Variants in CDK5RAP1 observed in about 807,000 individuals in gnomAD.
CDK5RAP1 encodes mitochondrial tRNA methylthiotransferase CDK5RAP1.
Under a neutral mutation model 64.5 loss-of-function variants are expected in CDK5RAP1, and 62 were observed. The ratio of observed to expected loss-of-function variants is 0.96; its 90% CI spans 0.78 to 1.19. The LOEUF (loss-of-function observed/expected upper bound fraction) is 1.19, where lower values mean the gene tolerates loss of function less well. CDK5RAP1 is among the 50% of genes most tolerant of loss of function. The pLI is 0.00. For synonymous variants in CDK5RAP1, 250 were observed against 261.9 expected, an observed-to-expected ratio of 0.95 and a Z score of 0.44; for missense variants, 657 against 735.0, an observed-to-expected ratio of 0.89 and a Z score of 1.23.
chr20:33,380,594 T>G (rs1986625296), intron 7 of CDK5RAP1, among the ~76,000 whole-genome samples: 1 of 152,176 alleles, frequency 6.6e-6, no homozygotes, highest in South Asian at 2.1e-4. Flanking sequence ...GGTCTACAAA[T>G]TACTTCAAAT....
At chr20:33,387,795 G>A (rs973146139) in intron 5 of CDK5RAP1, among the ~76,000 whole-genome samples, 8 of 152,046 alleles carry the variant, frequency 5.3e-5, no homozygotes, top group South Asian at 2.1e-4. Context: ...AGCCAGGTGC[G>A]GTGGCTCATG....
intron 12 of CDK5RAP1, among the ~76,000 whole-genome samples, chr20:33,362,623 G>C (rs1335549254): frequency 6.6e-6 from 1 of 152,166 alleles, no homozygotes; most frequent in Non-Finnish European, 1.5e-5. Context: ...TCCTTTAAAA[G>C]ATAATTGTTT....
chr20:33,388,152 G>A (rs1987700375), intron 5 of CDK5RAP1, among the ~76,000 whole-genome samples: 1 of 151,664 alleles, frequency 6.6e-6, no homozygotes, highest in East Asian at 1.9e-4. Flanking sequence ...ATTACTTAGT[G>A]CTGAAATAAA....
At chr20:33,390,035 G>C (rs1988123650) in intron 5 of CDK5RAP1, among the ~76,000 whole-genome samples, 4 of 151,220 alleles carry the variant, frequency 2.6e-5, no homozygotes, top group Admixed American at 2.6e-4. Flanking sequence ...TCAGCACTTT[G>C]GGAGGCCAAG....
intron 5 of CDK5RAP1, among the ~76,000 whole-genome samples, chr20:33,391,258 A>AG (rs1229631747): frequency 2.6e-5 from 4 of 151,106 alleles, no homozygotes; most frequent in Non-Finnish European, 5.9e-5. Context: ...TTAAAAAAAA[A>AG]AAAAAAAAAA....
intron 5 of CDK5RAP1, among the ~76,000 whole-genome samples, chr20:33,388,714 C>A (rs1392647058): frequency 6.6e-6 from 1 of 152,064 alleles, no homozygotes. Flanking sequence ...CTGCTCACTG[C>A]AACCTCCCTG....
intron 11 of CDK5RAP1, among the ~76,000 whole-genome samples, chr20:33,368,173 A>T (rs1984331245): frequency 6.6e-6 from 1 of 152,200 alleles, no homozygotes; most frequent in Admixed American, 6.5e-5. Flanking sequence ...CTCATCCACT[A>T]GGTTCTTGAT....
intron 7 of CDK5RAP1, 34 bp from the exon 8 acceptor site, chr20:33,379,725 C>G: frequency 6.8e-7 from 1 of 1,474,600 alleles, no homozygotes; most frequent in Non-Finnish European, 9.4e-7. Context: ...AATTTTAAAA[C>G]TTTTGGGTAG....
intron 1 of CDK5RAP1, among the ~76,000 whole-genome samples, chr20:33,400,333 T>G (rs1430488729): frequency 6.6e-6 from 1 of 152,218 alleles, no homozygotes; most frequent in African/African-American, 2.4e-5. Flanking sequence ...CATCTGCTAC[T>G]AGCACTTAGG....
At chr20:33,385,274 T>C (rs1301591247) in intron 7 of CDK5RAP1, among the ~76,000 whole-genome samples, 1 of 152,236 alleles carries the variant, frequency 6.6e-6, no homozygotes, top group Non-Finnish European at 1.5e-5. Flanking sequence ...CTTAGCTATG[T>C]GCCAGGTAAT....
At chr20:33,375,757 G>A (rs988447174) in intron 8 of CDK5RAP1, among the ~76,000 whole-genome samples, 4 of 152,208 alleles carry the variant, frequency 2.6e-5, no homozygotes, top group Admixed American at 2.0e-4. Flanking sequence ...AATAAAGTGA[G>A]TGACACAAAT....
chr20:33,379,395 T>C, intron 8 of CDK5RAP1, 66 bp downstream of exon 8: 1 of 1,161,126 alleles, frequency 8.6e-7, no homozygotes, highest in Non-Finnish European at 1.3e-6. Context: ...GCATCCCTAC[T>C]GGGTCCAGCC....
chr20:33,360,590 G>T, intron 12 of CDK5RAP1, 99 bp from the exon 13 acceptor site: 1 of 1,061,872 alleles, frequency 9.4e-7, no homozygotes, highest in Non-Finnish European at 1.4e-6. Context: ...CCAAGAGTCT[G>T]ACCCACAGAG....
In CDK5RAP1 at chr20:33,360,383, T is replaced by C. The variant is rs1982682328; in HGVS notation, c.1651A>G (p.Arg551Gly). The C allele has an allele frequency of 6.2e-7, 1 of 1,613,990 alleles. No individual in the cohort carries two copies. Among genetic ancestry groups the C allele is most frequent in the East Asian group, 2.2e-5 (1 of 44,888 alleles). ...AGCACATAGTCCCCAGGCTGGGCTC[T>C]GACCCTGAGCCCAGGGTTATTGACA... The part of the protein sequence containing the change: ...EDVNNPGLRV[R>G]AQPGDYVLVK... Residue 551 changes from arginine (R) to glycine (G), a missense_variant, in exon 13 of 14, where the codon AGA becomes GGA. Coordinates refer to ENST00000346416, the MANE Select transcript of CDK5RAP1 (RefSeq NM_016408.4).
intron 7 of CDK5RAP1, among the ~76,000 whole-genome samples, chr20:33,382,084 C>T (rs1244406334): frequency 1.3e-5 from 2 of 152,188 alleles, no homozygotes; most frequent in Non-Finnish European, 2.9e-5. Context: ...TCAAGGCACC[C>T]TCCTGCCTTG....
At chr20:33,361,231 G>T (rs966142518) in intron 12 of CDK5RAP1, among the ~76,000 whole-genome samples, 1 of 152,178 alleles carries the variant, frequency 6.6e-6, no homozygotes, top group African/African-American at 2.4e-5. Context: ...TGAAGCAGGA[G>T]GGGAGAGCTC....
At chr20:33,395,317 A>G (rs918742938) in intron 2 of CDK5RAP1, among the ~76,000 whole-genome samples, 2 of 152,090 alleles carry the variant, frequency 1.3e-5, no homozygotes, top group Admixed American at 6.5e-5. Flanking sequence ...CAAAAGAAAT[A>G]CCATATTAGG....
At position 33,372,679 on chromosome 20, in the gene CDK5RAP1, A is replaced by G; in HGVS notation, c.1224T>C (p.Tyr408=). ...AMRRGYSREA[Y]VELVHHIRES... ...CTCTAATATGGTGAACTAACTCCAC[A>G]TAAGCTTCTCTTGAATATCTGCAAT... The change falls in exon 10 of 14, where the codon TAT becomes TAC. Residue 408 remains tyrosine (Y), a synonymous_variant. Transcript: ENST00000346416. The G allele has an allele frequency of 1.3e-6, 2 of 1,583,542 alleles. No individual in the cohort carries two copies. The highest frequency in any genetic ancestry group is 1.7e-6 in the Non-Finnish European group (2 of 1,167,224).
At chr20:33,371,670 C>T (rs1985036169) in intron 10 of CDK5RAP1, among the ~76,000 whole-genome samples, 2 of 152,006 alleles carry the variant, frequency 1.3e-5, no homozygotes, top group Admixed American at 1.3e-4. Flanking sequence ...GTAGTCCTGG[C>T]TACTTGGGAG....
Sources: allele counts gnomAD v4.1 joint callset (sites outside exome capture counted in the v4.1 genomes callset), GRCh38; gene constraint gnomAD v4.1.1; transcripts MANE v1.5; gene names NCBI Gene and HGNC (gene_info 2026-07-23, HGNC 2026-07-21).